CDYL2: variants seen among roughly 807,000 people sequenced by gnomAD.
CDYL2 encodes the protein chromodomain Y-like protein 2.
A neutral mutation model predicts 49.4 loss-of-function variants in CDYL2; 23 were observed. The observed-to-expected ratio is 0.47, with a 90% CI of 0.34 to 0.66. The LOEUF is 0.66. Among genes scored for constraint, CDYL2 ranks in the 30% least tolerant of loss-of-function variants. The pLI is 0.01. For missense variants in CDYL2, 678 were observed against 656.4 expected (o/e 1.03, Z -0.36); for synonymous variants, 360 against 268.8 (o/e 1.34, Z -3.32).
chr16:80,704,701 A>T (rs1002893654), intron 1 of CDYL2, among the ~76,000 whole-genome samples: 3 of 152,236 alleles, frequency 2.0e-5, no homozygotes, highest in African/African-American at 7.2e-5. Flanking sequence ...GGGAGAAGGC[A>T]GTTCCAGTTA....
intron 1 of CDYL2, among the ~76,000 whole-genome samples, chr16:80,721,573 C>T (rs932219232): frequency 6.6e-6 from 1 of 152,234 alleles, no homozygotes; most frequent in Non-Finnish European, 1.5e-5. Context: ...CAAAGCCAAG[C>T]TGCTGGTGAC....
chr16:80,728,919 C>G (rs1187877645), intron 1 of CDYL2, among the ~76,000 whole-genome samples: 6 of 150,660 alleles, frequency 4.0e-5, no homozygotes, highest in Non-Finnish European at 8.9e-5. Flanking sequence ...TTTGTCACCA[C>G]CAGGCCTGCC....
At position 80,639,474 on chromosome 16, in the gene CDYL2, T is replaced by C. The variant is rs575779423; in HGVS notation, c.617-6238A>G. ...TTGTGTCCTTTAATAAGTGAAGGGATAAACAAACTGTGGTACATTCATAAT... is the reference window on the plus strand; with the variant it reads ...TTGTGTCCTTTAATAAGTGAAGGGACAAACAAACTGTGGTACATTCATAAT... On this transcript the variant is annotated intron_variant, in intron 2 of 6. Coordinates refer to ENST00000570137, the MANE Select transcript of CDYL2 (RefSeq NM_152342.4). Among the ~76,000 whole-genome samples, 130 of 152,208 alleles carry C rather than the reference T, an allele frequency of 8.5e-4. 2 individuals are homozygous for C. The Middle Eastern group carries it at 0.024, about 28-fold the overall frequency.
intron 1 of CDYL2, among the ~76,000 whole-genome samples, chr16:80,720,222 C>T (rs1286652671): frequency 1.3e-5 from 2 of 152,168 alleles, no homozygotes; most frequent in Non-Finnish European, 2.9e-5. Context: ...CCCCTCATGA[C>T]TCCCCTCTCT....
chr16:80,667,017 T>C (rs142170601), intron 2 of CDYL2, among the ~76,000 whole-genome samples: 2 of 152,014 alleles, frequency 1.3e-5, no homozygotes, highest in Admixed American at 1.3e-4. Flanking sequence ...CAAACCGAGG[T>C]CAGTGCTGTC....
intron 2 of CDYL2, among the ~76,000 whole-genome samples, chr16:80,655,538 G>T (rs939034604): frequency 6.6e-6 from 1 of 152,196 alleles, no homozygotes; most frequent in African/African-American, 2.4e-5. Context: ...AAATCTCATG[G>T]TCTTTCCATT....
chr16:80,616,167 G>A (rs57703295), intron 4 of CDYL2, among the ~76,000 whole-genome samples: 10,798 of 152,228 alleles, frequency 0.071, 565 homozygotes, highest in African/African-American at 0.15. Flanking sequence ...TCTCAGTTCT[G>A]CCCCTAACTA....
At chr16:80,766,243 G>A (rs1055507970) in intron 1 of CDYL2, among the ~76,000 whole-genome samples, 1 of 151,898 alleles carries the variant, frequency 6.6e-6, no homozygotes, top group South Asian at 2.1e-4. Flanking sequence ...GGGATAAATT[G>A]TACAGTATGT....
chr16:80,696,058 C>T (rs914888778), intron 1 of CDYL2, among the ~76,000 whole-genome samples: 4 of 152,132 alleles, frequency 2.6e-5, no homozygotes, highest in Non-Finnish European at 4.4e-5. Flanking sequence ...TCTTTTCTGA[C>T]CACAATGAAA....
rs117710492 is a variant in CDYL2, at chr16:80,762,084, G to A, written c.24+42066C>T. Among the ~76,000 whole-genome samples, 185 of 152,172 alleles carry A rather than the reference G, an allele frequency of 1.2e-3. 4 individuals are homozygous for A. In the East Asian group the frequency reaches 0.035, roughly 29 times the overall value. On this transcript the variant is annotated intron_variant, in intron 1 of 6. Coordinates refer to ENST00000570137, the MANE Select transcript of CDYL2 (RefSeq NM_152342.4). ...AACAGTAGTCCCAGGTACTCGGGAG[G>A]CTGAGGCAGGAGGATCACTTGAGCC...
At chr16:80,780,967 G>C (rs1312457395) in intron 1 of CDYL2, among the ~76,000 whole-genome samples, 1 of 152,154 alleles carries the variant, frequency 6.6e-6, no homozygotes, top group Non-Finnish European at 1.5e-5. Context: ...AGCAAGCTTT[G>C]TGATGTCTTA....
At chr16:80,658,982 T>C (rs545093432) in intron 2 of CDYL2, among the ~76,000 whole-genome samples, 2 of 152,300 alleles carry the variant, frequency 1.3e-5, no homozygotes, top group South Asian at 2.1e-4. Flanking sequence ...GTAAAATAAA[T>C]AATGGCAGTA....
intron 1 of CDYL2, among the ~76,000 whole-genome samples, chr16:80,766,662 A>G (rs1906735887): frequency 6.6e-6 from 1 of 152,208 alleles, no homozygotes; most frequent in East Asian, 1.9e-4. Context: ...ATTGTCTGAG[A>G]TGACACAACT....
chr16:80,709,050 A>C (rs1261695006), intron 1 of CDYL2, among the ~76,000 whole-genome samples: 4 of 152,218 alleles, frequency 2.6e-5, no homozygotes, highest in African/African-American at 7.2e-5. Flanking sequence ...AAGAAATACA[A>C]ATAGAAAAGC....
At chr16:80,610,028 G>T (rs73590416) in intron 5 of CDYL2, among the ~76,000 whole-genome samples, 1,779 of 152,264 alleles carry the variant, frequency 0.012, 30 homozygotes, top group African/African-American at 0.041. Context: ...TAACTGAGAG[G>T]TGCTTAGAAC....
chr16:80,692,118 G>C (rs1222023456), intron 1 of CDYL2, among the ~76,000 whole-genome samples: 2 of 152,186 alleles, frequency 1.3e-5, no homozygotes, highest in African/African-American at 4.8e-5. Flanking sequence ...ATCTAAACAG[G>C]GCAGAAACGC....
intron 1 of CDYL2, among the ~76,000 whole-genome samples, chr16:80,731,130 T>C (rs1281105599): frequency 6.6e-6 from 1 of 152,180 alleles, no homozygotes; most frequent in Non-Finnish European, 1.5e-5. Context: ...TCCATAAAGC[T>C]ATTAAATAAG....
chr16:80,624,135 T>C (rs1177260641), intron 3 of CDYL2, among the ~76,000 whole-genome samples: 1 of 152,158 alleles, frequency 6.6e-6, no homozygotes, highest in African/African-American at 2.4e-5. Context: ...ACAATGTCTC[T>C]TGGGTGCCTG....
chr16:80,715,274 T>G (rs986834506), intron 1 of CDYL2, among the ~76,000 whole-genome samples: 2 of 152,134 alleles, frequency 1.3e-5, no homozygotes, highest in Non-Finnish European at 2.9e-5. Flanking sequence ...GGCACTGGCC[T>G]GAGGATACAG....
Sources: gnomAD v4.1 joint callset for allele counts (sites outside exome capture counted in the v4.1 genomes callset) on GRCh38, gnomAD v4.1.1 for gene constraint, MANE v1.5 for transcripts, NCBI Gene and HGNC (gene_info 2026-07-23, HGNC 2026-07-21) for gene names.